The following PRKAR1A variants were observed in gnomAD, a reference collection of about 807,000 sequenced individuals.
The protein encoded by PRKAR1A is protein kinase cAMP-dependent type I regulatory subunit alpha, also known as cAMP-dependent protein kinase type I-alpha regulatory subunit.
A neutral mutation model predicts 52.0 loss-of-function variants in PRKAR1A; 3 were observed. The ratio of observed to expected loss-of-function variants is 0.06; its 90% confidence interval spans 0.03 to 0.15. The LOEUF (loss-of-function observed/expected upper bound fraction) is 0.15. PRKAR1A is among the 10% of genes least tolerant of loss of function. The pLI is 1.00. For missense variants in PRKAR1A, 240 were observed against 477.4 expected (o/e 0.50, Z 4.63); for synonymous variants, 188 against 168.4 (o/e 1.12, Z -0.90).
chr17:68,472,806 C>T, the PRKAR1A span, among the ~76,000 whole-genome samples: 44 of 151,908 alleles, frequency 2.9e-4, no homozygotes, highest in African/African-American at 9.9e-4. Flanking sequence ...ATTAGCTGGG[C>T]GTGGTGGCAT....
chr17:68,441,976 G>C, the PRKAR1A span, among the ~76,000 whole-genome samples: 1 of 152,186 alleles, frequency 6.6e-6, no homozygotes, highest in Non-Finnish European at 1.5e-5. Flanking sequence ...GACAGAGGAA[G>C]TCTCTGCTAT....
At chr17:68,507,717 A>C, upstream of PRKAR1A, among the ~76,000 whole-genome samples, 1 of 152,206 alleles carries the variant, frequency 6.6e-6, no homozygotes, top group Non-Finnish European at 1.5e-5. Flanking sequence ...TAAAAAAAAA[A>C]GATCTGTGTG....
At chr17:68,512,898 C>T (rs1386599865) in intron 1 of PRKAR1A, 2 of 152,386 alleles carry the variant, frequency 1.3e-5, no homozygotes, top group Non-Finnish European at 2.9e-5. Context: ...CACCCTCCCC[C>T]ATTTCCTGAA....
At chr17:68,497,834 A>G in the PRKAR1A span, among the ~76,000 whole-genome samples, 1 of 152,194 alleles carries the variant, frequency 6.6e-6, no homozygotes, top group Non-Finnish European at 1.5e-5. Flanking sequence ...GAAAGACAAG[A>G]CACATAGACA....
chr17:68,512,315 G>C (rs1600453007), upstream of PRKAR1A: 2 of 153,404 alleles, frequency 1.3e-5, no homozygotes, highest in South Asian at 2.1e-4. Context: ...GACCAGGGGG[G>C]AGGAACTGGG....
chr17:68,513,564 C>T (rs548729561), intron 1 of PRKAR1A, among the ~76,000 whole-genome samples: 19 of 152,236 alleles, frequency 1.2e-4, no homozygotes, highest in Non-Finnish European at 2.6e-4. Context: ...GACAATGCAG[C>T]GAAAGTTTTA....
At chr17:68,550,503 C>T (rs981573155) in intron 11 of PRKAR1A, among the ~76,000 whole-genome samples, 2 of 151,426 alleles carry the variant, frequency 1.3e-5, no homozygotes, top group Non-Finnish European at 2.9e-5. Context: ...GCCTCAGCCT[C>T]TCGAGTAGCT....
At chr17:68,484,458 C>CT in the PRKAR1A span, among the ~76,000 whole-genome samples, 23,722 of 135,392 alleles carry the variant, frequency 0.18, 1,973 homozygotes, top group African/African-American at 0.22. Flanking sequence ...ATCGTGGTAT[C>CT]TTTTTTTTTT....
chr17:68,539,996 C>A (rs1213346409), intron 11 of PRKAR1A: 1 of 1,601,672 alleles, frequency 6.2e-7, no homozygotes, highest in Non-Finnish European at 8.6e-7. Context: ...TTAGCTGGAA[C>A]CAGCAGGCCA....
At chr17:68,421,739 G>T in the PRKAR1A span, 1 of 1,614,078 alleles carries the variant, frequency 6.2e-7, no homozygotes, top group Non-Finnish European at 8.5e-7. Flanking sequence ...CACCTGATAG[G>T]GGGGATGTCC....
downstream of PRKAR1A, chr17:68,536,489 T>C (rs1461816567): frequency 2.2e-6 from 1 of 454,006 alleles, no homozygotes; most frequent in African/African-American, 2.0e-5. Flanking sequence ...TAAGGGAGGC[T>C]TCAATAAAAA....
chr17:68,548,203 G>A (rs536056004), intron 11 of PRKAR1A, among the ~76,000 whole-genome samples: 285 of 152,254 alleles, frequency 1.9e-3, no homozygotes, highest in African/African-American at 6.6e-3. Flanking sequence ...AGACCAGCCT[G>A]GCCAACACAG....
the PRKAR1A span, among the ~76,000 whole-genome samples, chr17:68,416,709 G>A: frequency 6.6e-6 from 1 of 152,094 alleles, no homozygotes; most frequent in Admixed American, 6.6e-5. Flanking sequence ...TTAAGTCAAA[G>A]ACCTTGTCTT....
the PRKAR1A span, chr17:68,428,719 A>T: frequency 1.2e-6 from 1 of 812,246 alleles, no homozygotes; most frequent in Non-Finnish European, 2.0e-6. Flanking sequence ...TGAGACTGCC[A>T]GTGAAGAACA....
the PRKAR1A span, chr17:68,457,553 T>G: frequency 5.0e-4 from 68 of 135,334 alleles, no homozygotes; most frequent in East Asian, 3.4e-3. Flanking sequence ...ACCCCGCCCC[T>G]ACCCCGCCCC....
rs1177674637 is a variant in PRKAR1A at position 68,515,436 on chromosome 17, C to G, written c.37C>G (p.Arg13Gly). The change falls in exon 2 of 11, where the codon CGC becomes GGC. Residue 13 changes from arginine (R) to glycine (G), a missense_variant. Around this residue, in one of 4 missense-constraint regions of PRKAR1A, gnomAD observed 107 missense variants for 114.6 expected, o/e 0.93. Transcript: ENST00000589228. ...CAGTACCGCCGCCAGTGAGGAGGCA[C>G]GCAGCCTTCGAGAATGTGAGCTCTA... ...SGSTAASEEA[R>G]SLRECELYVQ... 1.2e-6 allele frequency: 2 copies of G among 1,613,498 alleles called. No individual in the cohort carries two copies. Among genetic ancestry groups the G allele is most frequent in the Admixed American group, 1.7e-5 (1 of 60,018 alleles).
chr17:68,449,677 C>T, the PRKAR1A span, among the ~76,000 whole-genome samples: 233 of 152,314 alleles, frequency 1.5e-3, no homozygotes, highest in Non-Finnish European at 2.9e-3. Context: ...CTTTGCCTTC[C>T]GCCATGAATC....
the PRKAR1A span, among the ~76,000 whole-genome samples, chr17:68,439,068 C>T: frequency 2.0e-5 from 3 of 152,274 alleles, no homozygotes; most frequent in Non-Finnish European, 4.4e-5. Context: ...TGCTCTGGAA[C>T]GTTTAGCAGT....
the PRKAR1A span, chr17:68,444,422 A>G: frequency 6.1e-5 from 87 of 1,431,550 alleles, no homozygotes; most frequent in East Asian, 2.0e-3. Context: ...AATTTGGAGG[A>G]AAATAAAGCT....
Sources: allele counts gnomAD v4.1 joint callset (sites outside exome capture counted in the v4.1 genomes callset), GRCh38; gene constraint gnomAD v4.1.1; regional missense constraint gnomAD v4.1.1; transcripts MANE v1.5; gene names NCBI Gene and HGNC (gene_info 2026-07-23, HGNC 2026-07-21).